The following ARSB variants were observed in gnomAD, a reference collection of about 807,000 sequenced individuals.
ARSB encodes arylsulfatase B, also known as N-acetylgalactosamine-4-sulfatase.
A neutral mutation model predicts 50.9 loss-of-function variants in ARSB; 41 were observed. That is an observed-to-expected ratio of 0.81 (90% CI 0.63 to 1.04). The LOEUF (loss-of-function observed/expected upper bound fraction) is 1.04. ARSB is among the 50% of genes least tolerant of loss of function. The probability of loss-of-function intolerance (pLI) is 0.00; values close to 1 mark genes in which losing one functional copy is unlikely to be tolerated. For synonymous variants in ARSB, 269 were observed against 284.8 expected (o/e 0.94, Z 0.56); for missense variants, 672 against 693.3 (o/e 0.97, Z 0.35).
At chr5:78,978,538 G>A (rs1026117764) in intron 1 of ARSB, among the ~76,000 whole-genome samples, 5 of 151,970 alleles carry the variant, frequency 3.3e-5, no homozygotes, top group African/African-American at 9.7e-5. Context: ...GCAAGGGGCC[G>A]AGAATAGCCA....
chr5:78,825,869 G>A (rs1581007512), intron 6 of ARSB, among the ~76,000 whole-genome samples: 1 of 152,096 alleles, frequency 6.6e-6, no homozygotes, highest in African/African-American at 2.4e-5. Flanking sequence ...ACTAATGTCA[G>A]TCTCAAGTAA....
chr5:78,866,718 AAAGGGAAGG>A (rs2112124961), intron 5 of ARSB, among the ~76,000 whole-genome samples: 1 of 152,282 alleles, frequency 6.6e-6, no homozygotes, highest in Non-Finnish European at 1.5e-5. Flanking sequence ...GATGGATGGT[AAAGGGAAGG>A]AAGGACATGG....
chr5:78,976,431 T>G (rs990409557), intron 1 of ARSB, among the ~76,000 whole-genome samples: 1 of 151,890 alleles, frequency 6.6e-6, no homozygotes, highest in Admixed American at 6.6e-5. Flanking sequence ...GGTCTCAACC[T>G]CAGTCTCCTG....
chr5:78,921,940 C>A (rs979671783), intron 4 of ARSB, among the ~76,000 whole-genome samples: 12 of 152,068 alleles, frequency 7.9e-5, no homozygotes, highest in Non-Finnish European at 4.4e-5. Flanking sequence ...GGACTGTGCA[C>A]TGGAACTCAG....
intron 6 of ARSB, among the ~76,000 whole-genome samples, chr5:78,839,146 G>C (rs1014087658): frequency 8.9e-6 from 1 of 112,790 alleles, no homozygotes; most frequent in Non-Finnish European, 2.1e-5. Context: ...GGCAGAGCAA[G>C]AATAGAATTC....
At chr5:78,926,144 A>G (rs1450931843) in intron 4 of ARSB, among the ~76,000 whole-genome samples, 4 of 152,096 alleles carry the variant, frequency 2.6e-5, no homozygotes. Context: ...CCACAATCCT[A>G]TTTGTTGTAT....
chr5:78,851,775 T>G (rs944847276), intron 5 of ARSB, among the ~76,000 whole-genome samples: 1 of 152,226 alleles, frequency 6.6e-6, no homozygotes, highest in African/African-American at 2.4e-5. Flanking sequence ...TTAGGATAGT[T>G]AGCTCTTCTT....
chr5:78,831,938 T>C (rs925708016), intron 6 of ARSB, among the ~76,000 whole-genome samples: 1 of 152,196 alleles, frequency 6.6e-6, no homozygotes, highest in African/African-American at 2.4e-5. Context: ...ATTGTTCTCA[T>C]TAGACTGATT....
intron 5 of ARSB, among the ~76,000 whole-genome samples, chr5:78,842,757 T>A (rs1026623893): frequency 1.4e-4 from 20 of 139,798 alleles, no homozygotes; most frequent in Non-Finnish European, 2.6e-4. Context: ...GTGAGTTTTC[T>A]GTTTTTGTTT....
chr5:78,850,421 G>A (rs2112040398), intron 5 of ARSB, among the ~76,000 whole-genome samples: 1 of 152,142 alleles, frequency 6.6e-6, no homozygotes, highest in Non-Finnish European at 1.5e-5. Flanking sequence ...ACTTGATCAT[G>A]GTGGATAAGC....
intron 3 of ARSB, among the ~76,000 whole-genome samples, chr5:78,962,279 G>A (rs1245769999): frequency 2.0e-5 from 3 of 152,196 alleles, no homozygotes; most frequent in African/African-American, 4.8e-5. Context: ...TGTCAAATAT[G>A]TAGAAGAAAA....
Position 78,921,179 on chromosome 5 carries a change from T to C in ARSB, c.898+34116A>G, listed in dbSNP as rs147450852. 1.5e-3 allele frequency among the ~76,000 whole-genome samples: 225 copies of C among 152,280 alleles called. 1 individual carries two copies. The highest frequency in any genetic ancestry group is 5.1e-3 in the African/African-American group (211 of 41,550). On this transcript the variant is annotated intron_variant, in intron 4 of 7. Coordinates refer to ENST00000264914, the MANE Select transcript of ARSB (RefSeq NM_000046.5). ...CAGAGTTGTATCCTAGATCTTAAGA[T>C]TATAAATATTTGCAAACCCTCCACA...
At chr5:78,981,333 T>C (rs1482014772) in intron 1 of ARSB, among the ~76,000 whole-genome samples, 1 of 152,188 alleles carries the variant, frequency 6.6e-6, no homozygotes, top group Non-Finnish European at 1.5e-5. Flanking sequence ...CTGTACCCAG[T>C]CCCTACACAT....
At chr5:78,795,078 T>C (rs1743130736) in intron 6 of ARSB, among the ~76,000 whole-genome samples, 1 of 152,252 alleles carries the variant, frequency 6.6e-6, no homozygotes, top group African/African-American at 2.4e-5. Context: ...AAGCCCATAA[T>C]AGGGTCCCTG....
intron 6 of ARSB, among the ~76,000 whole-genome samples, chr5:78,792,278 C>T (rs750461880): frequency 7.9e-5 from 12 of 151,512 alleles, no homozygotes; most frequent in Non-Finnish European, 1.3e-4. Context: ...ACTCAGGAGG[C>T]TGAGGCATGA....
In ARSB at chr5:78,780,351, T is replaced by C. The variant is rs748400777; in HGVS notation, c.*46A>G. ...GAGACAAGAGTCGTGAGAAAAGGCC[T>C]GAGGTCCAACTTCCAATTGAAAGGT... On this transcript the variant is annotated 3_prime_UTR_variant, in exon 8 of 8. Transcript: ENST00000264914. The C allele has an allele frequency of 6.2e-7, 1 of 1,612,046 alleles. No individual in the cohort carries two copies. The highest frequency in any genetic ancestry group is 1.7e-5 in the Admixed American group (1 of 60,014).
chr5:78,807,564 A>G (rs1431977608), intron 6 of ARSB, among the ~76,000 whole-genome samples: 1 of 152,130 alleles, frequency 6.6e-6, no homozygotes, highest in Non-Finnish European at 1.5e-5. Flanking sequence ...CCCCTTCCTG[A>G]GCCAATGGGA....
rs886038216 is a variant in ARSB, at chr5:78,985,126, G to T, written c.123C>A (p.Ala41=). The change falls in exon 1 of 8, where the codon GCC becomes GCA. Residue 41 remains alanine (A), a synonymous_variant. Transcript: ENST00000264914. ...LLAPPGSGAG[A]SRPPHLVFLL... Reference sequence around the variant, plus strand: ...AGAAGACCAGGTGGGGCGGCCGGCTGGCCCCGGCGCCCGAGCCCGGCGGCG... The same window carrying T: ...AGAAGACCAGGTGGGGCGGCCGGCTTGCCCCGGCGCCCGAGCCCGGCGGCG... 2 of 1,482,582 alleles carry T rather than the reference G, an allele frequency of 1.3e-6. No individual in the cohort carries two copies. The highest frequency in any genetic ancestry group is 1.8e-6 in the Non-Finnish European group (2 of 1,114,926). The allele number at this position is 1,482,582 out of a possible 1,614,324, so 91.8% of individuals were successfully genotyped here. A position where few individuals can be genotyped will look rare whatever the true frequency, so the allele number is the denominator to read the frequency against.
chr5:78,856,433 T>G (rs1053955182), intron 5 of ARSB, among the ~76,000 whole-genome samples: 2 of 152,368 alleles, frequency 1.3e-5, no homozygotes, highest in Admixed American at 1.3e-4. Context: ...GTTGATAACT[T>G]TCTATAATCA....
Sources: gnomAD v4.1 joint callset for allele counts (sites outside exome capture counted in the v4.1 genomes callset) on GRCh38, gnomAD v4.1.1 for gene constraint, MANE v1.5 for transcripts, NCBI Gene and HGNC (gene_info 2026-07-23, HGNC 2026-07-21) for gene names.